The following UNC5C variants were observed in gnomAD, a reference collection of about 807,000 sequenced individuals.
UNC5C encodes the protein unc-5 netrin receptor C.
UNC5C carries 47 observed loss-of-function variants against 99.8 expected under a neutral mutation model. The ratio of observed to expected loss-of-function variants is 0.47; its 90% CI spans 0.37 to 0.60. UNC5C has a LOEUF of 0.60. Among genes scored for constraint, UNC5C ranks in the 20% least tolerant of loss-of-function variants. The pLI is 0.00. For missense variants in UNC5C, 1,062 were observed against 1,165.9 expected (o/e 0.91, Z 1.30); for synonymous variants, 487 against 452.2 (o/e 1.08, Z -0.98).
At chr4:95,405,073 G>A (rs1406196137) in intron 1 of UNC5C, among the ~76,000 whole-genome samples, 2 of 152,096 alleles carry the variant, frequency 1.3e-5, no homozygotes, top group Non-Finnish European at 2.9e-5. Context: ...TGTGTGACCC[G>A]AATCTTCCGG....
chr4:95,244,038 A>G (rs2149379169), intron 6 of UNC5C, among the ~76,000 whole-genome samples: 1 of 152,368 alleles, frequency 6.6e-6, no homozygotes, highest in Admixed American at 6.5e-5. Context: ...TAAAGTGTAG[A>G]TTATGTATAT....
intron 1 of UNC5C, among the ~76,000 whole-genome samples, chr4:95,522,574 A>T (rs1056784084): frequency 1.3e-5 from 2 of 151,756 alleles, no homozygotes; most frequent in African/African-American, 4.9e-5. Flanking sequence ...AAAAAAGCTT[A>T]AAAAAATCAA....
intron 1 of UNC5C, among the ~76,000 whole-genome samples, chr4:95,448,694 C>G (rs1747192690): frequency 1.3e-5 from 2 of 152,072 alleles, no homozygotes; most frequent in African/African-American, 4.8e-5. Context: ...TTACAACTAC[C>G]AAGCCTGCAG....
intron 2 of UNC5C, among the ~76,000 whole-genome samples, chr4:95,322,721 C>G (rs1230548838): frequency 6.6e-6 from 1 of 151,758 alleles, no homozygotes; most frequent in East Asian, 1.9e-4. Context: ...GGTGGATCAC[C>G]TGAGGTCAGG....
chr4:95,445,963 C>CA lies in UNC5C; in HGVS notation c.124+102770dup, dbSNP rs930528121. Among the ~76,000 whole-genome samples, 42 of 84,898 alleles carry CA rather than the reference C, an allele frequency of 4.9e-4. 1 individual carries two copies. The highest frequency in any genetic ancestry group is 4.9e-3 in the Middle Eastern group (1 of 204). 55.7% of individuals were successfully genotyped at this position (84,898 alleles called of 152,430 possible). ...TTTCTGGAAGATAACAAAGAGCCTG[C>CA]AAAAAAAACAAAACAAAACAAACAA... On this transcript the variant is annotated intron_variant, in intron 1 of 15. Coordinates refer to ENST00000453304, the MANE Select transcript of UNC5C (RefSeq NM_003728.4).
chr4:95,288,946 C>A (rs1398831032), intron 3 of UNC5C, among the ~76,000 whole-genome samples: 2 of 152,170 alleles, frequency 1.3e-5, no homozygotes, highest in African/African-American at 2.4e-5. Context: ...GGACCTGATG[C>A]CTTTGGGGGT....
intron 4 of UNC5C, among the ~76,000 whole-genome samples, chr4:95,251,123 T>C (rs1310263700): frequency 6.6e-6 from 1 of 152,208 alleles, no homozygotes; most frequent in Non-Finnish European, 1.5e-5. Flanking sequence ...ATAGAAAGAC[T>C]ATTTTTAAAA....
At chr4:95,344,665 T>C (rs900740137) in intron 1 of UNC5C, among the ~76,000 whole-genome samples, 2 of 152,032 alleles carry the variant, frequency 1.3e-5, no homozygotes, top group African/African-American at 4.8e-5. Flanking sequence ...CAATAAAGAA[T>C]AAATAGAAAC....
At chr4:95,176,985 G>GT (rs1466778435) in intron 14 of UNC5C, among the ~76,000 whole-genome samples, 1 of 152,160 alleles carries the variant, frequency 6.6e-6, no homozygotes, top group African/African-American at 2.4e-5. Flanking sequence ...GCAGTACTTG[G>GT]GGGGGAGTGA....
At chr4:95,399,953 A>C (rs1014994498) in intron 1 of UNC5C, among the ~76,000 whole-genome samples, 6 of 152,202 alleles carry the variant, frequency 3.9e-5, no homozygotes, top group Non-Finnish European at 7.3e-5. Flanking sequence ...GTTTACCCCT[A>C]ATTGAGCACA....
chr4:95,230,550 T>C (rs1422950046), intron 7 of UNC5C, among the ~76,000 whole-genome samples: 2 of 152,170 alleles, frequency 1.3e-5, no homozygotes, highest in Non-Finnish European at 2.9e-5. Context: ...TGCCTAGGTT[T>C]TCTTCTAGGG....
At chr4:95,230,088 G>T (rs1456078546) in intron 7 of UNC5C, among the ~76,000 whole-genome samples, 1 of 152,070 alleles carries the variant, frequency 6.6e-6, no homozygotes, top group Non-Finnish European at 1.5e-5. Context: ...TGGGATTACA[G>T]GTGTGAGCCA....
intron 1 of UNC5C, among the ~76,000 whole-genome samples, chr4:95,354,479 A>ATATATATATATATATATATTTTTTTT: frequency 1.8e-5 from 2 of 110,348 alleles, no homozygotes; most frequent in Non-Finnish European, 1.8e-5. Flanking sequence ...ATATATATAT[A>ATATATATATATATATATATTTTTTTT]TTTTTTTTTT....
chr4:95,300,042 G>A (rs773769947), intron 3 of UNC5C, among the ~76,000 whole-genome samples: 2 of 152,186 alleles, frequency 1.3e-5, no homozygotes, highest in Non-Finnish European at 2.9e-5. Context: ...TGCTTTAGAA[G>A]CAGGATTGAT....
At chr4:95,475,731 C>T (rs889932029) in intron 1 of UNC5C, among the ~76,000 whole-genome samples, 3 of 152,090 alleles carry the variant, frequency 2.0e-5, no homozygotes, top group Non-Finnish European at 4.4e-5. Context: ...CCTGGGAAAA[C>T]TTACTGCTAA....
chr4:95,193,296 G>A (rs548780043), intron 12 of UNC5C, among the ~76,000 whole-genome samples: 2 of 152,334 alleles, frequency 1.3e-5, no homozygotes, highest in South Asian at 2.1e-4. Context: ...GGCAGGAAGC[G>A]AAGCAGTGGC....
At chr4:95,289,431 T>C (rs926524951) in intron 3 of UNC5C, among the ~76,000 whole-genome samples, 1 of 152,220 alleles carries the variant, frequency 6.6e-6, no homozygotes, top group African/African-American at 2.4e-5. Context: ...ACTCACTTTC[T>C]GACCTAGGCC....
In UNC5C at chr4:95,163,879, G is replaced by A. The variant is rs2149340313; in HGVS notation, c.*5355C>T. The A allele has an allele frequency of 1.3e-5, 2 of 152,316 alleles. No homozygotes were observed. The highest frequency in any genetic ancestry group is 4.1e-4 in the South Asian group (2 of 4,828). 9.4% of individuals were successfully genotyped at this position (152,316 alleles called of 1,614,324 possible). On this transcript the variant is annotated 3_prime_UTR_variant, in exon 16 of 16. Coordinates refer to ENST00000453304, the MANE Select transcript of UNC5C (RefSeq NM_003728.4). ...GCGTCTGAGTAGACAGCAGGCTGAT[G>A]AAGAGCTGCTAATAATTGGTGGGCT... is the stretch of plus-strand genomic sequence containing the variant.
At chr4:95,432,661 G>C (rs1578160435) in intron 1 of UNC5C, among the ~76,000 whole-genome samples, 1 of 152,078 alleles carries the variant, frequency 6.6e-6, no homozygotes, top group Non-Finnish European at 1.5e-5. Context: ...GAAGTTTCTA[G>C]AGCCAATTAA....
Sources: gnomAD v4.1 joint callset for allele counts (sites outside exome capture counted in the v4.1 genomes callset) on GRCh38, gnomAD v4.1.1 for gene constraint, MANE v1.5 for transcripts, NCBI Gene and HGNC (gene_info 2026-07-23, HGNC 2026-07-21) for gene names.